Variants in VXN observed in about 807,000 individuals in gnomAD.
VXN encodes the protein uncharacterized protein C8orf46.
VXN carries 7 observed loss-of-function variants against 23.1 expected under a neutral mutation model. That is an observed-to-expected ratio of 0.30 (90% CI 0.17 to 0.57). The LOEUF is 0.57. Among genes scored for constraint, VXN ranks in the 20% least tolerant of loss-of-function variants. The pLI, the probability that VXN is intolerant of heterozygous loss-of-function variation, is 0.91. For synonymous variants in VXN, 120 were observed against 105.8 expected, an observed-to-expected ratio of 1.13 and a Z score of -0.83; for missense variants, 238 against 272.6, an observed-to-expected ratio of 0.87 and a Z score of 0.89.
intron 3 of VXN, among the ~76,000 whole-genome samples, chr8:66,505,982 C>T (rs1244941699): frequency 6.6e-6 from 1 of 152,042 alleles, no homozygotes; most frequent in Admixed American, 6.6e-5. Context: ...TGGGGTCTTG[C>T]TGTGTTGCCC....
At chr8:66,509,155 T>G (rs1016172898) in intron 3 of VXN, among the ~76,000 whole-genome samples, 3 of 152,218 alleles carry the variant, frequency 2.0e-5, no homozygotes, top group Admixed American at 6.5e-5. Flanking sequence ...GGTAGTCTTG[T>G]AATACTTTAT....
chr8:66,506,067 A>G (rs971048386), intron 3 of VXN, among the ~76,000 whole-genome samples: 1 of 152,120 alleles, frequency 6.6e-6, no homozygotes, highest in Non-Finnish European at 1.5e-5. Context: ...TACAGGCATG[A>G]CCCACTGAGA....
intron 4 of VXN, among the ~76,000 whole-genome samples, chr8:66,510,837 C>T (rs1807813562): frequency 6.6e-6 from 1 of 152,192 alleles, no homozygotes; most frequent in Non-Finnish European, 1.5e-5. Context: ...GAGTCTCCAC[C>T]ATCATGACCT....
intron 1 of VXN, 117 bp downstream of exon 1, chr8:66,493,835 C>G: frequency 1.3e-6 from 1 of 795,284 alleles, no homozygotes; most frequent in Non-Finnish European, 2.1e-6. Flanking sequence ...CTGATGGACT[C>G]TCGGTTTTGA....
chr8:66,500,867 GATT>G lies in VXN; in HGVS notation c.126+4376_126+4378del, dbSNP rs1411226356. Among the ~76,000 whole-genome samples, 65 of 140,472 alleles carry G rather than the reference GATT, an allele frequency of 4.6e-4. 1 individual carries two copies. The highest frequency in any genetic ancestry group is 1.7e-3 in the African/African-American group (65 of 37,290). 92.2% of individuals were successfully genotyped at this position (140,472 alleles called of 152,430 possible). A position where few individuals can be genotyped will look rare whatever the true frequency, so the allele number is the denominator to read the frequency against. ...GCATCCATGTTGATGCAAAGGACAT[GATT>G]TTTTTTTTTTTTTTTTTTTTTGAGA... is the stretch of plus-strand genomic sequence containing the variant. On this transcript the variant is annotated intron_variant, in intron 2 of 5. Coordinates refer to ENST00000305454, the MANE Select transcript of VXN (RefSeq NM_152765.4).
At chr8:66,504,167 G>A (rs150216542) in intron 2 of VXN, among the ~76,000 whole-genome samples, 102 of 152,246 alleles carry the variant, frequency 6.7e-4, no homozygotes, top group African/African-American at 2.3e-3. Flanking sequence ...AAGAGATGGG[G>A]AGGTGGTGGT....
intron 2 of VXN, among the ~76,000 whole-genome samples, chr8:66,496,750 CT>C (rs1015061659): frequency 1.3e-5 from 2 of 151,756 alleles, no homozygotes; most frequent in South Asian, 4.2e-4. Flanking sequence ...TTTATGCACA[CT>C]TTTTTTTTCT....
At chr8:66,506,711 C>T (rs780481288) in intron 3 of VXN, among the ~76,000 whole-genome samples, 3 of 152,116 alleles carry the variant, frequency 2.0e-5, no homozygotes, top group Admixed American at 6.6e-5. Context: ...GATGCTAGAC[C>T]AGGCCACCAA....
chr8:66,509,536 A>G (rs543418159), intron 3 of VXN, among the ~76,000 whole-genome samples: 1 of 152,206 alleles, frequency 6.6e-6, no homozygotes, highest in South Asian at 2.1e-4. Context: ...TCATTTTTAG[A>G]GGGGTGTCCA....
At chr8:66,505,110 C>T (rs933418544) in intron 2 of VXN, 4 of 582,778 alleles carry the variant, frequency 6.9e-6, no homozygotes, top group Admixed American at 6.8e-5. Flanking sequence ...GAAGGGCCTG[C>T]TGTTGAGGAA....
Position 66,516,843 on chromosome 8 carries a change from C to T in VXN, c.*767C>T, listed in dbSNP as rs912916219. On this transcript the variant is annotated 3_prime_UTR_variant, in exon 6 of 6. Transcript: ENST00000305454. ...AGAAAGCACAATTATTCCCAATCTGCAGAGGGGGAAATGGAGGCCTTCAGA... is the reference window on the plus strand; with the variant it reads ...AGAAAGCACAATTATTCCCAATCTGTAGAGGGGGAAATGGAGGCCTTCAGA... The T allele has an allele frequency of 6.6e-6, 1 of 152,200 alleles. No individual in the cohort carries two copies. Among genetic ancestry groups the T allele is most frequent in the Non-Finnish European group, 1.5e-5 (1 of 68,038 alleles). The allele number at this position is 152,200 out of a possible 1,614,324, so 9.4% of individuals were successfully genotyped here.
Position 66,515,983 on chromosome 8 carries a change from C to T in VXN, c.531C>T (p.Cys177=), listed in dbSNP as rs16932952. ...ASLPLTGSAS[C]GVPGILRKMW... ...TACCACTGACAGGCAGTGCTTCCTGCGGCGTCCCCGGCATCCTCCGGAAAA... is the reference window on the plus strand; with the variant it reads ...TACCACTGACAGGCAGTGCTTCCTGTGGCGTCCCCGGCATCCTCCGGAAAA... Residue 177 remains cysteine (C), a synonymous_variant, in exon 6 of 6, where the codon TGC becomes TGT. Transcript: ENST00000305454. 8,189 of 1,613,744 alleles carry T rather than the reference C, an allele frequency of 5.1e-3. 302 individuals carry two copies. The East Asian group carries it at 0.077, about 15-fold the overall frequency.
chr8:66,504,344 G>C (rs571862517), intron 2 of VXN, among the ~76,000 whole-genome samples: 1 of 152,060 alleles, frequency 6.6e-6, no homozygotes, highest in Non-Finnish European at 1.5e-5. Flanking sequence ...TTCCGAGAGC[G>C]ATGCTGAGAG....
At chr8:66,505,720 A>G (rs1462248937) in intron 3 of VXN, among the ~76,000 whole-genome samples, 192 bp downstream of exon 3, 1 of 152,216 alleles carries the variant, frequency 6.6e-6, no homozygotes, top group Non-Finnish European at 1.5e-5. Flanking sequence ...GCCTCACCTT[A>G]GCCTCACACA....
intron 2 of VXN, among the ~76,000 whole-genome samples, chr8:66,499,409 T>C (rs189329986): frequency 6.6e-6 from 1 of 152,062 alleles, no homozygotes; most frequent in East Asian, 1.9e-4. Flanking sequence ...ATTTTTGTAC[T>C]TTTAGTAGAG....
Position 66,509,637 on chromosome 8 carries a change from G to T in VXN, c.281-459G>T, listed in dbSNP as rs528269095. Among the ~76,000 whole-genome samples the T allele has an allele frequency of 4.6e-5, 7 of 152,336 alleles. No individual in the cohort carries two copies. In the South Asian group the frequency reaches 1.2e-3, roughly 27 times the overall value. On this transcript the variant is annotated intron_variant, in intron 3 of 5. Transcript: ENST00000305454. ...TGTGATCTGAGGCCTTGGGAAGGAA[G>T]GAAGAGCTGAAGGCACATTCTGAGC...
At chr8:66,500,852 T>C (rs1428392699) in intron 2 of VXN, among the ~76,000 whole-genome samples, 2 of 151,884 alleles carry the variant, frequency 1.3e-5, no homozygotes, top group Non-Finnish European at 2.9e-5. Context: ...GCATCCATGT[T>C]GATGCAAAGG....
At position 66,496,458 on chromosome 8, in the gene VXN, G is replaced by T. The variant is rs772662854; in HGVS notation, c.92G>T (p.Arg31Ile). 1 of 1,614,174 alleles carries T rather than the reference G, an allele frequency of 6.2e-7. No individual in the cohort carries two copies. ...GCAGTATCCAGTCCAGCCAGAAGAA[G>T]AGCCAAAAGCTCTCAGCACCTCTTG... is the stretch of plus-strand genomic sequence containing the variant. ...PSKVSSPARR[R>I]AKSSQHLLTK... Residue 31 changes from arginine to isoleucine, a missense_variant, in exon 2 of 6, where the codon AGA becomes ATA. Around this residue, in one of 2 missense-constraint regions of VXN, gnomAD observed 223 missense variants for 236.9 expected, o/e 0.94. Transcript: ENST00000305454.
chr8:66,498,583 A>G (rs988763514), intron 2 of VXN, among the ~76,000 whole-genome samples: 4 of 152,190 alleles, frequency 2.6e-5, no homozygotes, highest in African/African-American at 9.7e-5. Context: ...TGAACCCTGT[A>G]TCACTATATC....
Sources: allele counts gnomAD v4.1 joint callset (sites outside exome capture counted in the v4.1 genomes callset), GRCh38; gene constraint gnomAD v4.1.1; regional missense constraint gnomAD v4.1.1; transcripts MANE v1.5; gene names NCBI Gene and HGNC (gene_info 2026-07-23, HGNC 2026-07-21).